Variants in MIEF2 observed in about 807,000 individuals in gnomAD.
MIEF2 encodes mitochondrial elongation factor 2.
A neutral mutation model predicts 7.4 loss-of-function variants in MIEF2; 1 was observed. The ratio of observed to expected loss-of-function variants is 0.14; its 90% CI spans 0.05 to 0.64. MIEF2 has a LOEUF of 0.64. Among genes scored for constraint, MIEF2 ranks in the 30% least tolerant of loss-of-function variants. The pLI, the probability that MIEF2 is intolerant of heterozygous loss-of-function variation, is 0.85. For missense variants in MIEF2, 569 were observed against 623.9 expected (o/e 0.91, Z 0.94); for synonymous variants, 275 against 290.5 (o/e 0.95, Z 0.54).
Position 18,264,740 on chromosome 17 carries a change from A to G in MIEF2, c.1341A>G (p.Leu447=). The G allele has an allele frequency of 6.2e-7, 1 of 1,608,756 alleles. No homozygotes were observed. The highest frequency in any genetic ancestry group is 8.5e-7 in the Non-Finnish European group (1 of 1,176,776). The part of the protein sequence containing the change: ...DDIGYALYSG[L]QEPEGLL Reference sequence around the variant, plus strand: ...TTGGCTATGCGCTATACAGTGGCCTACAGGAGCCCGAGGGGCTGCTCTAGG... The same window carrying G: ...TTGGCTATGCGCTATACAGTGGCCTGCAGGAGCCCGAGGGGCTGCTCTAGG... Residue 447 remains leucine (L), a synonymous_variant, in exon 4 of 4, where the codon CTA becomes CTG. Transcript: ENST00000323019.
In MIEF2 at chr17:18,265,995, CAA is replaced by C; in HGVS notation, c.*1232_*1233del. 6.6e-6 allele frequency: 1 copy of C among 152,206 alleles called. No individual in the cohort carries two copies. The highest frequency in any genetic ancestry group is 2.4e-5 in the African/African-American group (1 of 41,498). 9.4% of individuals were successfully genotyped at this position (152,206 alleles called of 1,614,324 possible). On this transcript the variant is annotated 3_prime_UTR_variant, in exon 4 of 4. Coordinates refer to ENST00000323019, the MANE Select transcript of MIEF2 (RefSeq NM_139162.4). ...GGCCGAGGCGGGCGGATCACGAGGT[CAA>C]GAGATCGAGACCATCCTGACCAACA...
In MIEF2 at chr17:18,264,846, T is replaced by A; in HGVS notation, c.*82T>A. ...CCCTTCCAGGGATTTGAATAGTGGT[T>A]TTTCTCTAGCTTTTTGCCAGAACAA... On this transcript the variant is annotated 3_prime_UTR_variant, in exon 4 of 4. Transcript: ENST00000323019. 1.3e-6 allele frequency: 2 copies of A among 1,507,934 alleles called. 1 individual carries two copies. The highest frequency in any genetic ancestry group is 2.7e-5 in the South Asian group (2 of 75,322). 93.4% of individuals were successfully genotyped at this position (1,507,934 alleles called of 1,614,324 possible). A position where few individuals can be genotyped will look rare whatever the true frequency, so the allele number is the denominator to read the frequency against.
At chr17:18,263,337 G>C (rs1180363892) in intron 3 of MIEF2, 89 bp downstream of exon 3, 1 of 1,542,032 alleles carries the variant, frequency 6.5e-7, no homozygotes, top group African/African-American at 1.4e-5. Context: ...CCCTGCGCGA[G>C]TCCCTGCTTC....
At chr17:18,260,783 G>C (rs186880954) in intron 1 of MIEF2, 46 bp downstream of exon 1, 4,328 of 303,796 alleles carry the variant, frequency 0.014, 51 homozygotes, top group Non-Finnish European at 0.02. Context: ...CACCGGGCTC[G>C]GGGCTTGGCG....
rs769390003 is a variant in MIEF2 at position 18,264,035 on chromosome 17, C to T, written c.636C>T (p.Gly212=). 2.5e-5 allele frequency: 39 copies of T among 1,556,870 alleles called. 1 individual carries two copies. In the Admixed American group the frequency reaches 5.2e-4, roughly 21 times the overall value. ...CGGGCCTGTGGAGCCTGGTGCCGGG[C>T]GTGGACACTGTGGCGAGGGACCCTC... ...LEPGLWSLVP[G]VDTVARDPRC... The change falls in exon 4 of 4, where the codon GGC becomes GGT. Residue 212 remains glycine (G), a synonymous_variant. Coordinates refer to ENST00000323019, the MANE Select transcript of MIEF2 (RefSeq NM_139162.4).
intron 3 of MIEF2, 30 bp from the exon 4 acceptor site, chr17:18,263,680 C>T (rs572463302): frequency 2.0e-5 from 30 of 1,525,434 alleles, no homozygotes; most frequent in African/African-American, 9.7e-5. Flanking sequence ...CAGGCTGTTC[C>T]GACATGTTCC....
Position 18,263,884 on chromosome 17 carries a change from C to T in MIEF2, c.485C>T (p.Ala162Val), listed in dbSNP as rs1381674169. 6.2e-7 allele frequency: 1 copy of T among 1,603,180 alleles called. No individual in the cohort carries two copies. Among genetic ancestry groups the T allele is most frequent in the Non-Finnish European group, 8.5e-7 (1 of 1,179,772 alleles). The change falls in exon 4 of 4, where the codon GCC (alanine) becomes GTC (valine). Residue 162 changes from alanine to valine, a missense_variant. Ala to Val is a moderately conservative substitution (Grantham distance 64). Transcript: ENST00000323019. ...GGCGACATCGCCCTGGAGCTGCAGG[C>T]CTACTTTCGGAGCAAGTTCCCGGAA... ...LAGDIALELQ[A>V]YFRSKFPELP...
Position 18,264,983 on chromosome 17 carries a change from C to T in MIEF2, c.*219C>T. On this transcript the variant is annotated 3_prime_UTR_variant, in exon 4 of 4. Coordinates refer to ENST00000323019, the MANE Select transcript of MIEF2 (RefSeq NM_139162.4). ...CTGTCACCTGAGTGCAGCTGGGCTG[C>T]CTCAGGCAGCTTGGAGTGCCAGCCA... is the stretch of plus-strand genomic sequence containing the variant. 1 of 760,376 alleles carries T rather than the reference C, an allele frequency of 1.3e-6. No homozygotes were observed. Among genetic ancestry groups the T allele is most frequent in the Non-Finnish European group, 1.9e-6 (1 of 513,404 alleles). 47.1% of individuals were successfully genotyped at this position (760,376 alleles called of 1,614,324 possible). A position where few individuals can be genotyped will look rare whatever the true frequency, so the allele number is the denominator to read the frequency against.
intron 3 of MIEF2, 196 bp from the exon 4 acceptor site, chr17:18,263,514 G>C (rs950317977): frequency 1.7e-5 from 15 of 858,680 alleles, no homozygotes; most frequent in Non-Finnish European, 2.2e-5. Flanking sequence ...TTGTCGCCAG[G>C]GTGTTGGACT....
intron 1 of MIEF2, among the ~76,000 whole-genome samples, chr17:18,261,593 C>T (rs1394006624): frequency 2.0e-5 from 3 of 152,190 alleles, no homozygotes; most frequent in East Asian, 3.8e-4. Context: ...CAGTGTCCCC[C>T]TCGCAGAACG....
chr17:18,265,189 C>A lies in MIEF2; in HGVS notation c.*425C>A, dbSNP rs778591811. 1 of 165,438 alleles carries A rather than the reference C, an allele frequency of 6.0e-6. No homozygotes were observed. 10.2% of individuals were successfully genotyped at this position (165,438 alleles called of 1,614,324 possible). On this transcript the variant is annotated 3_prime_UTR_variant, in exon 4 of 4. Transcript: ENST00000323019. Reference sequence around the variant, plus strand: ...CGCCTTTTCCGGCCCTAGCTCCAGGCGTTTTGAGGCGTCTGGTGCCTGATG... The same window carrying A: ...CGCCTTTTCCGGCCCTAGCTCCAGGAGTTTTGAGGCGTCTGGTGCCTGATG...
chr17:18,263,949 G>C lies in MIEF2; in HGVS notation c.550G>C (p.Asp184His), dbSNP rs1307071862. Residue 184 changes from aspartate (D) to histidine (H), a missense_variant, in exon 4 of 4, where the codon GAC becomes CAC. Transcript: ENST00000323019. ...GAFVPGGPLY[D>H]GLQAGAADHV... The stretch of plus-strand genomic sequence containing the variant: ...ATTCGTGCCTGGGGGGCCGCTCTAC[G>C]ACGGGCTGCAGGCGGGGGCTGCGGA... The C allele has an allele frequency of 9.4e-6, 15 of 1,590,470 alleles. No homozygotes were observed. Among genetic ancestry groups the C allele is most frequent in the East Asian group, 2.2e-5 (1 of 44,610 alleles).
At position 18,263,934 on chromosome 17, in the gene MIEF2, G is replaced by A; in HGVS notation, c.535G>A (p.Gly179Arg). 2 of 1,594,940 alleles carry A rather than the reference G, an allele frequency of 1.3e-6. No homozygotes were observed. Among genetic ancestry groups the A allele is most frequent in the Non-Finnish European group, 1.7e-6 (2 of 1,175,042 alleles). The change falls in exon 4 of 4, where the codon GGG (glycine) becomes AGG (arginine). Residue 179 changes from glycine (G) to arginine (R), a missense_variant. Gly to Arg is a moderately radical substitution (Grantham distance 125). Transcript: ENST00000323019. ...PELPFGAFVP[G>R]GPLYDGLQAG... The stretch of plus-strand genomic sequence containing the variant: ...ACTGCCCTTTGGGGCATTCGTGCCT[G>A]GGGGGCCGCTCTACGACGGGCTGCA...
In MIEF2 at chr17:18,264,047, G is replaced by A; in HGVS notation, c.648G>A (p.Val216=). 1 of 1,553,528 alleles carries A rather than the reference G, an allele frequency of 6.4e-7. No individual in the cohort carries two copies. Among genetic ancestry groups the A allele is most frequent in the Non-Finnish European group, 8.7e-7 (1 of 1,153,436 alleles). The stretch of plus-strand genomic sequence containing the variant: ...GCCTGGTGCCGGGCGTGGACACTGT[G>A]GCGAGGGACCCTCGCTGCTGGGCCG... ...LWSLVPGVDT[V]ARDPRCWAVR... is the part of the protein sequence containing the mutation. The change falls in exon 4 of 4, where the codon GTG becomes GTA. Residue 216 remains valine, a synonymous_variant. Coordinates refer to ENST00000323019, the MANE Select transcript of MIEF2 (RefSeq NM_139162.4).
rs769658205 is a variant in MIEF2 at position 18,263,081 on chromosome 17, T to C, written c.148-5T>C. The C allele has an allele frequency of 3.1e-6, 5 of 1,612,734 alleles. No individual in the cohort carries two copies. Among genetic ancestry groups the C allele is most frequent in the Non-Finnish European group, 4.2e-6 (5 of 1,179,588 alleles). Reference sequence around the variant, plus strand: ...ATACACTGATCTGTGTGACTGTGCTTGCAGTTCATTGACAGGGCCACTAGC... The same window carrying C: ...ATACACTGATCTGTGTGACTGTGCTCGCAGTTCATTGACAGGGCCACTAGC... On this transcript the variant is annotated splice_polypyrimidine_tract_variant and splice_region_variant and intron_variant, in intron 2 of 3. Coordinates refer to ENST00000323019, the MANE Select transcript of MIEF2 (RefSeq NM_139162.4).
rs370844037 is a variant in MIEF2 at position 18,264,339 on chromosome 17, G to A, written c.940G>A (p.Asp314Asn). 3.0e-5 allele frequency: 48 copies of A among 1,606,060 alleles called. No individual in the cohort carries two copies. Among genetic ancestry groups the A allele is most frequent in the Admixed American group, 8.3e-5 (5 of 59,996 alleles). The change falls in exon 4 of 4, where the codon GAC becomes AAC. Residue 314 changes from aspartate (D) to asparagine (N), a missense_variant. Coordinates refer to ENST00000323019, the MANE Select transcript of MIEF2 (RefSeq NM_139162.4). ...GGCAGTCCCTGGGGTCGATGCTGAC[G>A]ACCGCCTCCTCTTGGCCTGGCCCCT... ...LVAVPGVDAD[D>N]RLLLAWPLEG...
At chr17:18,261,014 G>A in intron 1 of MIEF2, 4 of 1,277,446 alleles carry the variant, frequency 3.1e-6, no homozygotes, top group Middle Eastern at 2.6e-4. Flanking sequence ...GCGGAGGAGG[G>A]AAGGCCAAAC....
rs760769057 is a variant in MIEF2 at position 18,263,374 on chromosome 17, T to C, written c.310+126T>C. 11 of 1,297,526 alleles carry C rather than the reference T, an allele frequency of 8.5e-6. No individual in the cohort carries two copies. In the East Asian group the frequency reaches 2.6e-4, roughly 31 times the overall value. 80.4% of individuals were successfully genotyped at this position (1,297,526 alleles called of 1,614,324 possible). A position where few individuals can be genotyped will look rare whatever the true frequency, so the allele number is the denominator to read the frequency against. On this transcript the variant is annotated intron_variant, in intron 3 of 3. Coordinates refer to ENST00000323019, the MANE Select transcript of MIEF2 (RefSeq NM_139162.4). ...CTCTCGGTTGTGGGCTCCTCAGATA[T>C]TTAATGGGGGTGGTGTTTCTTTGCC...
In MIEF2 at chr17:18,262,843, C is replaced by T. The variant is rs1200356815; in HGVS notation, c.123C>T (p.Gly41=). The change falls in exon 2 of 4, where the codon GGC becomes GGT. Residue 41 remains glycine (G), a synonymous_variant. Transcript: ENST00000323019. ...VLGVGGAAVL[G]IATLAVKRFI... ...GCGTGGGCGGGGCTGCTGTGCTGGG[C>T]ATTGCCACCCTGGCCGTGAAGCGGG... The T allele has an allele frequency of 1.3e-6, 2 of 1,545,616 alleles. No homozygotes were observed. The highest frequency in any genetic ancestry group is 1.7e-6 in the Non-Finnish European group (2 of 1,145,360).
Sources: allele counts gnomAD v4.1 joint callset (sites outside exome capture counted in the v4.1 genomes callset), GRCh38; gene constraint gnomAD v4.1.1; transcripts MANE v1.5; gene names NCBI Gene and HGNC (gene_info 2026-07-23, HGNC 2026-07-21).